The following LUZP2 variants were observed in gnomAD, a reference collection of about 807,000 sequenced individuals.
The protein encoded by LUZP2 is leucine zipper protein 2.
Under a neutral mutation model 51.6 loss-of-function variants are expected in LUZP2, and 52 were observed. That is an observed-to-expected ratio of 1.01 (90% CI 0.81 to 1.27). LUZP2 has a LOEUF of 1.27. LUZP2 is among the 50% of genes most tolerant of loss of function. The pLI, the probability that LUZP2 is intolerant of heterozygous loss-of-function variation, is 0.00. For synonymous variants in LUZP2, 154 were observed against 137.3 expected, an observed-to-expected ratio of 1.12 and a Z score of -0.85; for missense variants, 436 against 395.4, an observed-to-expected ratio of 1.10 and a Z score of -0.87.
At chr11:24,711,005 G>T (rs1443983955) in intron 1 of LUZP2, among the ~76,000 whole-genome samples, 2 of 150,500 alleles carry the variant, frequency 1.3e-5, no homozygotes, top group Non-Finnish European at 3.0e-5. Flanking sequence ...TAGAGAGGGG[G>T]AAAAAAGAAA....
rs869045272 is a variant in LUZP2 at position 24,764,490 on chromosome 11, TAAAAA to T, written c.396+1204_396+1208del. On this transcript the variant is annotated intron_variant, in intron 5 of 11. Transcript: ENST00000336930. ...GGACAACATGGTAAAATCTCATCTC[TAAAAA>T]AAAAAAAAAAAAAAAAAAAAATTAG... Among the ~76,000 whole-genome samples the T allele has an allele frequency of 1.3e-3, 119 of 94,032 alleles. 1 individual carries two copies. The highest frequency in any genetic ancestry group is 6.4e-3 in the Middle Eastern group (1 of 156). 61.7% of individuals were successfully genotyped at this position (94,032 alleles called of 152,430 possible).
chr11:24,838,696 T>A (rs1850933638), intron 5 of LUZP2, among the ~76,000 whole-genome samples: 1 of 151,794 alleles, frequency 6.6e-6, no homozygotes, highest in African/African-American at 2.4e-5. Context: ...GCAGTTTAAG[T>A]ATGTATTTAT....
chr11:25,067,103 G>T (rs923603790), intron 10 of LUZP2, among the ~76,000 whole-genome samples: 1 of 151,922 alleles, frequency 6.6e-6, no homozygotes, highest in African/African-American at 2.4e-5. Context: ...TATATTTTTG[G>T]GATGGGAAGT....
At chr11:24,739,129 G>A (rs1010511031) in intron 4 of LUZP2, among the ~76,000 whole-genome samples, 1 of 152,028 alleles carries the variant, frequency 6.6e-6, no homozygotes, top group East Asian at 1.9e-4. Flanking sequence ...ACACGGGGAG[G>A]CACCCAGGCT....
At position 24,858,358 on chromosome 11, in the gene LUZP2, A is replaced by T. The variant is rs1438705118; in HGVS notation, c.397-47633A>T. On this transcript the variant is annotated intron_variant, in intron 5 of 11. Coordinates refer to ENST00000336930, the MANE Select transcript of LUZP2 (RefSeq NM_001009909.4). ...TATAGCCACTATATTGAGAGATGCT[A>T]TTTATCTTTAAAGATAAAACTATTG... is the stretch of plus-strand genomic sequence containing the variant. 2.0e-5 allele frequency among the ~76,000 whole-genome samples: 3 copies of T among 152,094 alleles called. No homozygotes were observed. The South Asian group carries it at 6.2e-4, about 31-fold the overall frequency.
intron 1 of LUZP2, among the ~76,000 whole-genome samples, chr11:24,547,067 T>C (rs1397173916): frequency 2.6e-5 from 4 of 151,936 alleles, no homozygotes; most frequent in Admixed American, 6.6e-5. Context: ...CTTCAGTTTC[T>C]TTCTTTCTTG....
At chr11:24,950,327 A>T (rs1855040456) in intron 7 of LUZP2, among the ~76,000 whole-genome samples, 1 of 151,516 alleles carries the variant, frequency 6.6e-6, no homozygotes. Context: ...ACCCCCAAAA[A>T]TGATTTCCTA....
At chr11:24,594,359 C>T (rs1447385493) in intron 1 of LUZP2, among the ~76,000 whole-genome samples, 4 of 152,182 alleles carry the variant, frequency 2.6e-5, no homozygotes, top group African/African-American at 7.2e-5. Flanking sequence ...AGGCAGTGTA[C>T]TATCTATGCA....
At chr11:24,774,370 A>C (rs368211801) in intron 5 of LUZP2, among the ~76,000 whole-genome samples, 826 of 42,152 alleles carry the variant, frequency 0.02, 13 homozygotes, top group Non-Finnish European at 0.031. Context: ...CTCTATATAT[A>C]TATATATATA....
intron 1 of LUZP2, among the ~76,000 whole-genome samples, chr11:24,723,875 A>C (rs1483619669): frequency 6.6e-6 from 1 of 152,166 alleles, no homozygotes; most frequent in Non-Finnish European, 1.5e-5. Flanking sequence ...ATAAAAATTA[A>C]ACTTTGGGTA....
intron 5 of LUZP2, among the ~76,000 whole-genome samples, chr11:24,798,837 A>C (rs1156312988): frequency 6.6e-6 from 1 of 152,038 alleles, no homozygotes; most frequent in Non-Finnish European, 1.5e-5. Flanking sequence ...TTTCCTGTAG[A>C]AACAATGCTG....
chr11:24,709,279 C>T (rs1857729665), intron 1 of LUZP2, among the ~76,000 whole-genome samples: 1 of 151,920 alleles, frequency 6.6e-6, no homozygotes, highest in Non-Finnish European at 1.5e-5. Flanking sequence ...ATTAGGTTAC[C>T]AACTATATTC....
intron 5 of LUZP2, among the ~76,000 whole-genome samples, chr11:24,771,389 CATCGT>C (rs1361550245): frequency 6.7e-6 from 1 of 149,424 alleles, no homozygotes; most frequent in Non-Finnish European, 1.5e-5. Context: ...ATATACATGG[CATCGT>C]ATCTATTCAT....
chr11:24,905,949 T>C, intron 5 of LUZP2, 42 bp from the exon 6 acceptor site: 1 of 1,390,136 alleles, frequency 7.2e-7, no homozygotes. Context: ...ATTCTTAATA[T>C]TTTGTCTCTT....
chr11:24,503,911 T>C (rs1344847098), intron 1 of LUZP2, among the ~76,000 whole-genome samples: 2 of 152,130 alleles, frequency 1.3e-5, no homozygotes, highest in African/African-American at 4.8e-5. Context: ...GTAATCATCA[T>C]AGAACAACAG....
chr11:24,502,616 C>T (rs2133753534), intron 1 of LUZP2, among the ~76,000 whole-genome samples: 1 of 152,106 alleles, frequency 6.6e-6, no homozygotes. Context: ...GAACCCATGA[C>T]CTCATGATCC....
At chr11:24,938,795 C>A (rs1854663126) in intron 7 of LUZP2, among the ~76,000 whole-genome samples, 1 of 152,162 alleles carries the variant, frequency 6.6e-6, no homozygotes, top group Non-Finnish European at 1.5e-5. Context: ...AGGGGTTGCC[C>A]ATTCAATTCT....
At chr11:24,576,399 C>T (rs1410646241) in intron 1 of LUZP2, among the ~76,000 whole-genome samples, 62 of 102,362 alleles carry the variant, frequency 6.1e-4, no homozygotes, top group African/African-American at 2.2e-3. Flanking sequence ...GGCAACAGGG[C>T]GAGACTCCAT....
chr11:25,043,389 C>A (rs1858138243), intron 9 of LUZP2, among the ~76,000 whole-genome samples: 1 of 152,016 alleles, frequency 6.6e-6, no homozygotes, highest in Non-Finnish European at 1.5e-5. Context: ...GTAAATCATA[C>A]ATCTTCAAGC....
Sources: gnomAD v4.1 joint callset for allele counts (sites outside exome capture counted in the v4.1 genomes callset) on GRCh38, gnomAD v4.1.1 for gene constraint, MANE v1.5 for transcripts, NCBI Gene and HGNC (gene_info 2026-07-23, HGNC 2026-07-21) for gene names.